FMN1: variants seen among roughly 807,000 people sequenced by gnomAD.
The protein encoded by FMN1 is formin-1.
FMN1 carries 110 observed loss-of-function variants against 132.4 expected under a neutral mutation model. The observed-to-expected ratio is 0.83, with a 90% confidence interval of 0.71 to 0.97. The LOEUF (loss-of-function observed/expected upper bound fraction) is 0.97. Ranked by LOEUF, FMN1 falls within the 50% of genes least tolerant of loss-of-function variation. The pLI, the probability that FMN1 is intolerant of heterozygous loss-of-function variation, is 0.00. For synonymous variants in FMN1, 722 were observed against 651.7 expected (o/e 1.11, Z -1.64); for missense variants, 1,792 against 1,705.3 (o/e 1.05, Z -0.90).
intron 5 of FMN1, chr15:33,067,232 T>G: frequency 6.2e-7 from 1 of 1,613,442 alleles, no homozygotes; most frequent in Non-Finnish European, 8.5e-7. Context: ...GTTGCCAGCT[T>G]CCAGTTTGCT....
intron 9 of FMN1, among the ~76,000 whole-genome samples, chr15:32,946,089 A>G (rs2061504542): frequency 6.6e-6 from 1 of 152,194 alleles, no homozygotes; most frequent in Non-Finnish European, 1.5e-5. Flanking sequence ...TGGTAAAAAG[A>G]GAAAGATGAA....
At chr15:33,084,575 A>T (rs2038615788) in intron 5 of FMN1, among the ~76,000 whole-genome samples, 1 of 152,100 alleles carries the variant, frequency 6.6e-6, no homozygotes, top group Admixed American at 6.6e-5. Context: ...TTGTTATGAA[A>T]AACACGTACA....
In FMN1 at chr15:33,016,083, T is replaced by A. The variant is rs893820247; in HGVS notation, c.2162-8008A>T. The stretch of plus-strand genomic sequence containing the variant: ...CAAAGTTTGAGAACCACTGCTTTAA[T>A]AAGGCTTATTTAAGCAAAAACAGTA... On this transcript the variant is annotated intron_variant, in intron 6 of 20. Coordinates refer to ENST00000616417, the MANE Select transcript of FMN1 (RefSeq NM_001277313.2). Among the ~76,000 whole-genome samples, 88 of 152,206 alleles carry A rather than the reference T, an allele frequency of 5.8e-4. 1 individual carries two copies. Among genetic ancestry groups the A allele is most frequent in the Non-Finnish European group, 1.3e-4 (9 of 68,028 alleles).
At chr15:33,054,140 C>T (rs542730187) in intron 6 of FMN1, among the ~76,000 whole-genome samples, 210 of 152,268 alleles carry the variant, frequency 1.4e-3, no homozygotes, top group Non-Finnish European at 2.2e-3. Context: ...TGCATAAACT[C>T]AAGTACAGTT....
chr15:32,984,978 CAAAAAAA>C (rs11330959), intron 7 of FMN1, among the ~76,000 whole-genome samples: 11 of 97,264 alleles, frequency 1.1e-4, no homozygotes, highest in East Asian at 5.7e-4. Context: ...CATCCATCAC[CAAAAAAA>C]AAAAAAAAAA....
intron 4 of FMN1, among the ~76,000 whole-genome samples, chr15:33,092,841 G>C (rs1354608740): frequency 6.6e-6 from 1 of 152,126 alleles, no homozygotes; most frequent in Non-Finnish European, 1.5e-5. Flanking sequence ...CAGTGTTTTT[G>C]TTTTGTAACT....
At chr15:33,046,285 A>G (rs8042105) in intron 6 of FMN1, among the ~76,000 whole-genome samples, 7,004 of 152,214 alleles carry the variant, frequency 0.046, 268 homozygotes, top group African/African-American at 0.11. Flanking sequence ...CAAAATGTTA[A>G]TAAAGATAAC....
intron 16 of FMN1, among the ~76,000 whole-genome samples, chr15:32,863,388 T>A (rs922861563): frequency 1.3e-5 from 2 of 152,060 alleles, no homozygotes; most frequent in Non-Finnish European, 2.9e-5. Context: ...GAGCCGAGAT[T>A]GTGCCACTGC....
In FMN1 at chr15:33,004,939, C is replaced by CA. The variant is rs546978261; in HGVS notation, c.2223+3074dup. On this transcript the variant is annotated intron_variant, in intron 7 of 20. Coordinates refer to ENST00000616417, the MANE Select transcript of FMN1 (RefSeq NM_001277313.2). ...CATTCTCAGCAAACTATCGCAAGGACAAAAAAACCAAACACCGTATGTTCT... is the reference window on the plus strand; with the variant it reads ...CATTCTCAGCAAACTATCGCAAGGACAAAAAAAACCAAACACCGTATGTTCT... 7.8e-3 allele frequency among the ~76,000 whole-genome samples: 1,180 copies of CA among 151,896 alleles called. 13 individuals carry two copies. Among genetic ancestry groups the CA allele is most frequent in the African/African-American group, 0.027 (1,125 of 41,404 alleles).
chr15:33,186,603 C>T (rs1965896823), intron 2 of FMN1, among the ~76,000 whole-genome samples: 1 of 152,226 alleles, frequency 6.6e-6, no homozygotes, highest in Admixed American at 6.5e-5. Context: ...TTCTATCTTA[C>T]TATCTCTTCA....
At chr15:33,013,889 A>G (rs2034883676) in intron 6 of FMN1, among the ~76,000 whole-genome samples, 1 of 152,238 alleles carries the variant, frequency 6.6e-6, no homozygotes. Flanking sequence ...TACAGACTAT[A>G]TTTTGCAATG....
In FMN1 at chr15:33,154,543, C is replaced by A; in HGVS notation, c.372G>T (p.Val124=). Residue 124 remains valine, a synonymous_variant, in exon 4 of 21, where the codon GTG becomes GTT. Coordinates refer to ENST00000616417, the MANE Select transcript of FMN1 (RefSeq NM_001277313.2). The part of the protein sequence containing the change: ...NQEGKLQELS[V]SLAPEDDCFQ... ...AACAGTCATCCTCGGGGGCCAGGCT[C>A]ACGGACAGCTCTTGCAGCTTCCCCT... is the stretch of plus-strand genomic sequence containing the variant. The A allele has an allele frequency of 2.0e-6, 3 of 1,536,132 alleles. No homozygotes were observed. Among genetic ancestry groups the A allele is most frequent in the Non-Finnish European group, 2.6e-6 (3 of 1,146,922 alleles).
chr15:32,813,087 G>C (rs777109934), intron 17 of FMN1, among the ~76,000 whole-genome samples: 20 of 152,020 alleles, frequency 1.3e-4, no homozygotes, highest in Non-Finnish European at 2.5e-4. Flanking sequence ...TAGTTATATA[G>C]CATTTACATT....
Position 32,766,895 on chromosome 15 carries a change from C to G in FMN1, c.*7415G>C, listed in dbSNP as rs996034050. On this transcript the variant is annotated 3_prime_UTR_variant, in exon 21 of 21. Coordinates refer to ENST00000616417, the MANE Select transcript of FMN1 (RefSeq NM_001277313.2). ...GAAGTATTGAAAGAAGAAAGTGAAA[C>G]AAAGCTAGAAGTCAAAATGACTTTT... 6.6e-6 allele frequency: 1 copy of G among 152,236 alleles called. No individual in the cohort carries two copies. Among genetic ancestry groups the G allele is most frequent in the African/African-American group, 2.4e-5 (1 of 41,458 alleles). 9.4% of individuals were successfully genotyped at this position (152,236 alleles called of 1,614,324 possible).
intron 4 of FMN1, among the ~76,000 whole-genome samples, chr15:33,117,314 G>A (rs2039966164): frequency 1.3e-5 from 2 of 152,154 alleles, no homozygotes; most frequent in African/African-American, 4.8e-5. Flanking sequence ...AGAAGACAAT[G>A]CAGAAATTCC....
intron 5 of FMN1, among the ~76,000 whole-genome samples, chr15:33,076,177 G>A (rs552661721): frequency 1.3e-5 from 2 of 152,304 alleles, no homozygotes; most frequent in East Asian, 3.9e-4. Context: ...TGTTTCAGAA[G>A]AGCTTTGAGC....
At chr15:33,139,334 C>G (rs1004915510) in intron 4 of FMN1, among the ~76,000 whole-genome samples, 2 of 152,192 alleles carry the variant, frequency 1.3e-5, no homozygotes, top group Non-Finnish European at 2.9e-5. Flanking sequence ...CGGTGGCGCA[C>G]GCCTGTAATC....
rs527531612 is a variant in FMN1 at position 32,927,983 on chromosome 15, C to T, written c.3139-1722G>A. On this transcript the variant is annotated intron_variant, in intron 9 of 20. Coordinates refer to ENST00000616417, the MANE Select transcript of FMN1 (RefSeq NM_001277313.2). ...ATTACTGTAATAGCTGAGTTGCTTG[C>T]TGGTTGAAAAGTAAGGGACAACAAT... Among the ~76,000 whole-genome samples, 76 of 152,286 alleles carry T rather than the reference C, an allele frequency of 5.0e-4. 1 individual carries two copies. Among genetic ancestry groups the T allele is most frequent in the African/African-American group, 1.8e-3 (75 of 41,566 alleles).
chr15:32,851,746 T>G (rs72717683), intron 17 of FMN1, among the ~76,000 whole-genome samples: 2,313 of 152,254 alleles, frequency 0.015, 48 homozygotes, highest in East Asian at 0.072. Context: ...GACATAAGGA[T>G]AAACGCATCA....
Sources: allele counts gnomAD v4.1 joint callset (sites outside exome capture counted in the v4.1 genomes callset), GRCh38; gene constraint gnomAD v4.1.1; transcripts MANE v1.5; gene names NCBI Gene and HGNC (gene_info 2026-07-23, HGNC 2026-07-21).